Variants in LANCL3 observed in about 807,000 individuals in gnomAD.
The protein encoded by LANCL3 is LanC like family member 3, also known as lanC-like protein 3.
In LANCL3, 19 loss-of-function variants were observed where a neutral mutation model predicts 26.5. The ratio of observed to expected loss-of-function variants is 0.72; its 90% CI spans 0.50 to 1.05. The LOEUF (loss-of-function observed/expected upper bound fraction) is 1.05, where lower values mean the gene tolerates loss of function less well. Among genes scored for constraint, LANCL3 ranks in the 50% least tolerant of loss-of-function variants. The probability of loss-of-function intolerance (pLI) is 0.00; values close to 1 mark genes in which losing one functional copy is unlikely to be tolerated. For missense variants in LANCL3, 318 were observed against 362.7 expected, an observed-to-expected ratio of 0.88 and a Z score of 1.00; for synonymous variants, 160 against 166.6, an observed-to-expected ratio of 0.96 and a Z score of 0.30.
rs782118290 is a variant in LANCL3 at position 37,572,151 on chromosome X, G to A, written c.281G>A (p.Arg94His). The change falls in exon 1 of 5, where the codon CGC becomes CAC. Residue 94 changes from arginine (R) to histidine (H), a missense_variant. Physicochemically the swap from Arg to His is conservative, Grantham distance 29. Transcript: ENST00000378619. ...LFATARERYL[R>H]SAKRLIDACA... The stretch of plus-strand genomic sequence containing the variant: ...GCCACGGCCCGGGAACGCTACCTGC[G>A]CTCGGCTAAGCGCCTCATCGACGCG... 1.1e-5 allele frequency: 13 copies of A among 1,191,583 alleles called. No individual in the cohort carries two copies. The highest frequency in any genetic ancestry group is 3.0e-5 in the East Asian group (1 of 33,518).
chrX:37,671,146 GT>G (rs1361228616), intron 4 of LANCL3, among the ~76,000 whole-genome samples: 1 of 110,974 alleles, frequency 9.0e-6, no homozygotes, highest in East Asian at 2.8e-4. Context: ...GTTTCTATTA[GT>G]TTTTTATTGA....
At chrX:37,662,911 C>T (rs945253745) in intron 3 of LANCL3, among the ~76,000 whole-genome samples, 2 of 109,120 alleles carry the variant, frequency 1.8e-5, no homozygotes, top group Middle Eastern at 4.9e-3. Context: ...AGAAGTTTTG[C>T]GAGGTCACTT....
In LANCL3 at chrX:37,665,809, G is replaced by C. The variant is rs782088384; in HGVS notation, c.896-1473G>C. ...GGAACCCTTTTAAGGAGTATGGGCT[G>C]TAGGCCTGCACAGGTGGCATGCCCA... On this transcript the variant is annotated intron_variant, in intron 3 of 4. Coordinates refer to ENST00000378619, the MANE Select transcript of LANCL3 (RefSeq NM_001170331.2). Among the ~76,000 whole-genome samples the C allele has an allele frequency of 3.6e-5, 4 of 112,459 alleles. No homozygotes were observed. The South Asian group carries it at 1.5e-3, about 42-fold the overall frequency.
chrX:37,655,708 C>T lies in LANCL3; in HGVS notation c.594C>T (p.Ile198=). Residue 198 remains isoleucine (I), a synonymous_variant, in exon 2 of 5, where the codon ATC becomes ATT. Transcript: ENST00000378619. ...TTCAGGTGCTGACTCCAGCACAGATCAAGTCAATTTGTCAGGCAATTCTGG... is the reference window on the plus strand; with the variant it reads ...TTCAGGTGCTGACTCCAGCACAGATTAAGTCAATTTGTCAGGCAATTCTGG... ...LAQEVLTPAQ[I]KSICQAILDS... 1 of 1,206,569 alleles carries T rather than the reference C, an allele frequency of 8.3e-7. No homozygotes were observed. Among genetic ancestry groups the T allele is most frequent in the Non-Finnish European group, 1.1e-6 (1 of 891,938 alleles).
intron 1 of LANCL3, among the ~76,000 whole-genome samples, chrX:37,579,940 A>C (rs1923851698): frequency 9.0e-6 from 1 of 111,681 alleles, no homozygotes; most frequent in Non-Finnish European, 1.9e-5. Context: ...CAGAGTTTTT[A>C]ATATATGCTA....
At position 37,679,812 on chromosome X, in the gene LANCL3, C is replaced by T. The variant is rs1556438333; in HGVS notation, c.*3999C>T. The T allele has an allele frequency of 9.0e-6, 1 of 110,839 alleles. No individual in the cohort carries two copies. Among genetic ancestry groups the T allele is most frequent in the Admixed American group, 9.6e-5 (1 of 10,411 alleles). 9.1% of individuals were successfully genotyped at this position (110,839 alleles called of 1,213,427 possible). ...AGGCAAAGGGGTGGGTGAGGGGAAG[C>T]TTGCTGAAGCTCAGTATCTCAAAGT... is the stretch of plus-strand genomic sequence containing the variant. On this transcript the variant is annotated 3_prime_UTR_variant, in exon 5 of 5. Coordinates refer to ENST00000378619, the MANE Select transcript of LANCL3 (RefSeq NM_001170331.2).
At chrX:37,587,381 C>T (rs1556418217) in intron 1 of LANCL3, among the ~76,000 whole-genome samples, 1 of 112,654 alleles carries the variant, frequency 8.9e-6, no homozygotes, top group African/African-American at 3.2e-5. Flanking sequence ...TCGGCTATGC[C>T]CTGCCCCCAG....
intron 1 of LANCL3, among the ~76,000 whole-genome samples, chrX:37,604,229 G>T (rs994049607): frequency 1.8e-5 from 2 of 112,537 alleles, no homozygotes; most frequent in Non-Finnish European, 3.8e-5. Flanking sequence ...TGTCAGAGCT[G>T]TTCTGAAGCT....
At chrX:37,617,733 C>T (rs1480918190) in intron 1 of LANCL3, among the ~76,000 whole-genome samples, 1 of 111,418 alleles carries the variant, frequency 9.0e-6, no homozygotes, top group African/African-American at 3.3e-5. Flanking sequence ...CACCAACAGC[C>T]TATAGCCAGG....
intron 1 of LANCL3, among the ~76,000 whole-genome samples, chrX:37,646,198 A>T (rs1004747142): frequency 1.8e-5 from 2 of 113,138 alleles, no homozygotes; most frequent in African/African-American, 6.4e-5. Flanking sequence ...GGCTTTGCAC[A>T]TAATACTCAT....
rs145763603 is a variant in LANCL3, at chrX:37,585,665, C to A, written c.573+13222C>A. 4.1e-4 allele frequency among the ~76,000 whole-genome samples: 46 copies of A among 111,588 alleles called. No individual in the cohort carries two copies. The East Asian group carries it at 0.013, about 31-fold the overall frequency. ...ATTTGCTTGGTAGATCTCCCTCCAT[C>A]CCTTTATTTTGAGCCTATGTGTGTC... On this transcript the variant is annotated intron_variant, in intron 1 of 4. Transcript: ENST00000378619.
chrX:37,624,089 C>T (rs181535388), intron 1 of LANCL3, among the ~76,000 whole-genome samples: 1 of 111,471 alleles, frequency 9.0e-6, no homozygotes, highest in Non-Finnish European at 1.9e-5. Context: ...ATACATACAT[C>T]TTTGTATATC....
chrX:37,614,465 G>A (rs1230669273), intron 1 of LANCL3, among the ~76,000 whole-genome samples: 1 of 112,122 alleles, frequency 8.9e-6, no homozygotes, highest in Non-Finnish European at 1.9e-5. Flanking sequence ...CCGGCATCAG[G>A]CACAACCAAT....
chrX:37,605,797 C>T (rs1194696158), intron 1 of LANCL3, among the ~76,000 whole-genome samples: 4 of 111,873 alleles, frequency 3.6e-5, no homozygotes, highest in African/African-American at 1.3e-4. Flanking sequence ...TTTAATACAA[C>T]ACACTGCCAC....
rs144482370 is a variant in LANCL3 at position 37,611,637 on chromosome X, C to T, written c.573+39194C>T. ...TGTTTTTAAAGTGAAGCTCCCAGGC[C>T]GCCAGCATAACTGGACTGCTTGATG... On this transcript the variant is annotated intron_variant, in intron 1 of 4. Transcript: ENST00000378619. Among the ~76,000 whole-genome samples the T allele has an allele frequency of 3.7e-3, 413 of 111,726 alleles. 1 individual carries two copies. The highest frequency in any genetic ancestry group is 0.012 in the African/African-American group (367 of 30,780).
At chrX:37,622,528 T>A (rs1721272949) in intron 1 of LANCL3, among the ~76,000 whole-genome samples, 1 of 111,716 alleles carries the variant, frequency 9.0e-6, no homozygotes, top group African/African-American at 3.3e-5. Flanking sequence ...TCCCTTATAC[T>A]AATCATCTGT....
chrX:37,604,448 G>A (rs782100073), intron 1 of LANCL3, among the ~76,000 whole-genome samples: 14 of 112,073 alleles, frequency 1.2e-4, no homozygotes, highest in Middle Eastern at 4.6e-3. Context: ...CGTAACAAAC[G>A]ACCTCAAAAC....
intron 1 of LANCL3, among the ~76,000 whole-genome samples, chrX:37,589,295 A>C (rs1924204257): frequency 9.0e-6 from 1 of 111,450 alleles, no homozygotes; most frequent in Non-Finnish European, 1.9e-5. Context: ...GGATTGTCAG[A>C]CTCCACTGCA....
chrX:37,630,167 T>G (rs1444506413), intron 1 of LANCL3, among the ~76,000 whole-genome samples: 1 of 108,746 alleles, frequency 9.2e-6, no homozygotes, highest in Admixed American at 9.9e-5. Flanking sequence ...GTCCTTCACA[T>G]CCCTTGTAAG....
Sources: allele counts gnomAD v4.1 joint callset (sites outside exome capture counted in the v4.1 genomes callset), GRCh38; gene constraint gnomAD v4.1.1; transcripts MANE v1.5; gene names NCBI Gene and HGNC (gene_info 2026-07-23, HGNC 2026-07-21).